CERKL: variants seen among roughly 807,000 people sequenced by gnomAD.
CERKL encodes CERK like autophagy regulator.
CERKL carries 61 observed loss-of-function variants against 63.4 expected under a neutral mutation model. The ratio of observed to expected loss-of-function variants is 0.96; its 90% CI spans 0.78 to 1.19. The LOEUF is 1.19. Among genes scored for constraint, CERKL ranks in the 50% most tolerant of loss-of-function variants. CERKL has a pLI of 0.00. For synonymous variants in CERKL, 250 were observed against 230.5 expected (o/e 1.08, Z -0.77); for missense variants, 675 against 655.5 (o/e 1.03, Z -0.33).
At chr2:181,538,382 ACTGAGAAGGT>A in intron 12 of CERKL, 138 bp from the exon 13 acceptor site, 3 of 617,248 alleles carry the variant, frequency 4.9e-6, no homozygotes, top group Non-Finnish European at 5.9e-6. Context: ...AATCTAGAAA[ACTGAGAAGGT>A]CTGATTGATA....
intron 1 of CERKL, among the ~76,000 whole-genome samples, chr2:181,647,287 T>A (rs1206300027): frequency 2.0e-5 from 3 of 152,140 alleles, no homozygotes; most frequent in Admixed American, 6.5e-5. Context: ...AGACTTTAGA[T>A]AAAGAACACT....
intron 1 of CERKL, among the ~76,000 whole-genome samples, chr2:181,654,317 C>T (rs1655692125): frequency 6.6e-6 from 1 of 152,106 alleles, no homozygotes; most frequent in South Asian, 2.1e-4. Context: ...ACAATTACTA[C>T]GGTTATGCTC....
chr2:181,642,705 G>A (rs1312674322), intron 1 of CERKL, among the ~76,000 whole-genome samples: 2 of 152,016 alleles, frequency 1.3e-5, no homozygotes, highest in African/African-American at 4.8e-5. Flanking sequence ...AGAGTTATAA[G>A]CCATAATTAT....
At chr2:181,644,820 C>T (rs1687600698) in intron 1 of CERKL, among the ~76,000 whole-genome samples, 2 of 151,856 alleles carry the variant, frequency 1.3e-5, no homozygotes, top group Admixed American at 1.3e-4. Context: ...ATGAATCATT[C>T]AAATAAAAAA....
At chr2:181,614,121 G>A (rs763407590) in intron 1 of CERKL, among the ~76,000 whole-genome samples, 1 of 137,306 alleles carries the variant, frequency 7.3e-6, no homozygotes, top group Non-Finnish European at 1.5e-5. Flanking sequence ...TGGCTCTGTG[G>A]GGTCGCAGGC....
intron 2 of CERKL, among the ~76,000 whole-genome samples, chr2:181,580,230 G>A (rs1291592953): frequency 1.3e-5 from 2 of 151,804 alleles, no homozygotes; most frequent in Non-Finnish European, 2.9e-5. Context: ...GTGTCCCTCA[G>A]TACCATGTTA....
chr2:181,551,465 A>G (rs945632907), intron 5 of CERKL, among the ~76,000 whole-genome samples: 17 of 152,172 alleles, frequency 1.1e-4, no homozygotes, highest in African/African-American at 2.7e-4. Flanking sequence ...AAACATATTT[A>G]TAAGAAAAAA....
chr2:181,646,283 C>T (rs1194008979), intron 1 of CERKL, among the ~76,000 whole-genome samples: 2 of 152,202 alleles, frequency 1.3e-5, no homozygotes, highest in Non-Finnish European at 2.9e-5. Context: ...TACTCCTTCA[C>T]TTATTAAGCC....
At chr2:181,623,681 C>T (rs1559111286) in intron 1 of CERKL, among the ~76,000 whole-genome samples, 1 of 152,130 alleles carries the variant, frequency 6.6e-6, no homozygotes, top group Non-Finnish European at 1.5e-5. Flanking sequence ...AATAAGGGAG[C>T]ATGCTGTGTA....
intron 11 of CERKL, among the ~76,000 whole-genome samples, chr2:181,544,362 C>G (rs1687635449): frequency 6.6e-6 from 1 of 152,132 alleles, no homozygotes; most frequent in Non-Finnish European, 1.5e-5. Context: ...GAAGGCTAAA[C>G]TCTCAAATTT....
At chr2:181,604,133 C>A in intron 1 of CERKL, 54 bp from the exon 2 acceptor site, 2 of 1,434,144 alleles carry the variant, frequency 1.4e-6, no homozygotes, top group South Asian at 1.2e-5. Flanking sequence ...TAGAGAGGAA[C>A]AACAGACACT....
chr2:181,558,501 T>C lies in CERKL; in HGVS notation c.820+65A>G. The C allele has an allele frequency of 1.9e-6, 3 of 1,541,414 alleles. No homozygotes were observed. Among genetic ancestry groups the C allele is most frequent in the Non-Finnish European group, 2.7e-6 (3 of 1,118,962 alleles). On this transcript the variant is annotated intron_variant, in intron 5 of 12. Coordinates refer to ENST00000410087, the MANE Select transcript of CERKL (RefSeq NM_201548.5). The surrounding 1 kb of genome is among the most constrained non-coding windows in gnomAD (Gnocchi z 4.2). ...TTAATTCTGTGTTGTGCTGTCTAGATTAGCAAGTAAGAAAGGAAAAGAGGG... is the reference window on the plus strand; with the variant it reads ...TTAATTCTGTGTTGTGCTGTCTAGACTAGCAAGTAAGAAAGGAAAAGAGGG...
chr2:181,579,972 T>G (rs1268831959), intron 2 of CERKL, among the ~76,000 whole-genome samples: 1 of 151,900 alleles, frequency 6.6e-6, no homozygotes, highest in African/African-American at 2.4e-5. Context: ...TTTTAAACAT[T>G]ATAGTTTTAT....
intron 10 of CERKL, 24 bp downstream of exon 10, chr2:181,547,593 CA>C (rs748587518): frequency 1.3e-6 from 2 of 1,590,644 alleles, no homozygotes; most frequent in Non-Finnish European, 1.7e-6. Context: ...AATGTATCAA[CA>C]ATTCAATAAA....
At position 181,574,171 on chromosome 2, in the gene CERKL, A is replaced by G. The variant is rs1293904966; in HGVS notation, c.482-287T>C. Among the ~76,000 whole-genome samples, 4 of 152,216 alleles carry G rather than the reference A, an allele frequency of 2.6e-5. No individual in the cohort carries two copies. The East Asian group carries it at 7.7e-4, about 29-fold the overall frequency. On this transcript the variant is annotated intron_variant, in intron 2 of 12. Transcript: ENST00000410087. The stretch of plus-strand genomic sequence containing the variant: ...AGAGGCAACTTTGTGAATATTAGGC[A>G]GTGCTATGTGTATTTACCAAACCAC...
At chr2:181,621,879 G>T (rs1301385412) in intron 1 of CERKL, among the ~76,000 whole-genome samples, 1 of 152,062 alleles carries the variant, frequency 6.6e-6, no homozygotes, top group African/African-American at 2.4e-5. Flanking sequence ...TGACACAACT[G>T]CATCAAACCT....
chr2:181,549,415 A>C (rs1387369308), intron 6 of CERKL, among the ~76,000 whole-genome samples: 6 of 152,196 alleles, frequency 3.9e-5, no homozygotes, highest in Admixed American at 2.6e-4. Context: ...TACAGATTAC[A>C]ATAAAACTTC....
At chr2:181,584,940 C>T (rs1444176372) in intron 2 of CERKL, among the ~76,000 whole-genome samples, 11 of 151,706 alleles carry the variant, frequency 7.3e-5, no homozygotes, top group Admixed American at 7.2e-4. Flanking sequence ...GCTGACTCCA[C>T]TTGAACATGA....
chr2:181,620,202 G>A (rs1686387392), intron 1 of CERKL, among the ~76,000 whole-genome samples: 1 of 152,026 alleles, frequency 6.6e-6, no homozygotes, highest in African/African-American at 2.4e-5. Context: ...ATTATGTCTG[G>A]GCATGGGCTT....
Sources: gnomAD v4.1 joint callset for allele counts (sites outside exome capture counted in the v4.1 genomes callset) on GRCh38, gnomAD v4.1.1 for gene constraint, Gnocchi (gnomAD v3.1) non-coding constraint, MANE v1.5 for transcripts, NCBI Gene and HGNC (gene_info 2026-07-23, HGNC 2026-07-21) for gene names.